The following ART1 variants were observed in gnomAD, a reference collection of about 807,000 sequenced individuals.
The protein encoded by ART1 is ADP-ribosyltransferase 1, also known as GPI-linked NAD(P)(+)--arginine ADP-ribosyltransferase 1.
Under a neutral mutation model 27.0 loss-of-function variants are expected in ART1, and 29 were observed. That is an observed-to-expected ratio of 1.08 (90% confidence interval 0.80 to 1.47). The LOEUF is 1.47. Ranked by LOEUF, ART1 falls within the 40% of genes most tolerant of loss-of-function variation. ART1 has a pLI of 0.00. For synonymous variants in ART1, 201 were observed against 172.2 expected (o/e 1.17, Z -1.31); for missense variants, 480 against 423.0 (o/e 1.13, Z -1.18).
chr11:3,658,055 C>T lies in ART1; in HGVS notation c.-52-1107C>T, dbSNP rs1054647801. 3.3e-5 allele frequency among the ~76,000 whole-genome samples: 5 copies of T among 151,704 alleles called. No homozygotes were observed. The East Asian group carries it at 5.8e-4, about 18-fold the overall frequency. The stretch of plus-strand genomic sequence containing the variant: ...GTTCTTAAAAAAATGACAATAAGGC[C>T]GGCATGGTGGCTCACACCTGTAATC... On this transcript the variant is annotated intron_variant, in intron 1 of 4. Coordinates refer to ENST00000250693, the MANE Select transcript of ART1 (RefSeq NM_004314.3).
chr11:3,663,977 A>G, intron 4 of ART1, 115 bp from the exon 5 acceptor site: 1 of 922,936 alleles, frequency 1.1e-6, no homozygotes, highest in Non-Finnish European at 1.7e-6. Context: ...TGTCCAGCTC[A>G]CTCTGCCAAT....
At chr11:3,661,596 G>A (rs565585300) in intron 4 of ART1, among the ~76,000 whole-genome samples, 183 bp downstream of exon 4, 1 of 148,110 alleles carries the variant, frequency 6.8e-6, no homozygotes, top group East Asian at 2.0e-4. Flanking sequence ...CCGGGTTCAA[G>A]CCATTCTCCT....
intron 1 of ART1, among the ~76,000 whole-genome samples, chr11:3,649,261 TA>T (rs1293946653): frequency 2.0e-5 from 3 of 152,168 alleles, no homozygotes; most frequent in African/African-American, 7.2e-5. Context: ...CTAAATGCCT[TA>T]TTTTCTTCTG....
At position 3,660,280 on chromosome 11, in the gene ART1, C is replaced by A. The variant is rs1251913461; in HGVS notation, c.761C>A (p.Ala254Asp). 3.1e-6 allele frequency: 5 copies of A among 1,612,256 alleles called. No homozygotes were observed. The South Asian group carries it at 4.4e-5, about 14-fold the overall frequency. ...PPFETFQVIN[A>D]SRLAQGPARI... Reference sequence around the variant, plus strand: ...TTTGAGACCTTCCAAGTGATCAATGCCAGCAGACTGGCCCAGGGCCCCGCC... The same window carrying A: ...TTTGAGACCTTCCAAGTGATCAATGACAGCAGACTGGCCCAGGGCCCCGCC... Residue 254 changes from alanine (A) to aspartate (D), a missense_variant, in exon 3 of 5, where the codon GCC (alanine) becomes GAC (aspartate). Transcript: ENST00000250693.
chr11:3,659,075 C>A, intron 1 of ART1, 87 bp from the exon 2 acceptor site: 1 of 776,566 alleles, frequency 1.3e-6, no homozygotes. Context: ...TGTCTTATGA[C>A]TCTCAGTGCC....
At chr11:3,659,510 G>T in intron 2 of ART1, 73 bp from the exon 3 acceptor site, 2 of 1,497,902 alleles carry the variant, frequency 1.3e-6, no homozygotes, top group East Asian at 4.6e-5. Context: ...CAGTGGAGGG[G>T]AGAGCTGGAT....
At chr11:3,645,895 G>A (rs1376466505) in intron 1 of ART1, among the ~76,000 whole-genome samples, 2 of 152,128 alleles carry the variant, frequency 1.3e-5, no homozygotes, top group Admixed American at 6.5e-5. Context: ...GGCGATGTGT[G>A]CAGAGCCACA....
intron 1 of ART1, among the ~76,000 whole-genome samples, chr11:3,650,086 G>A (rs1056857936): frequency 1.3e-5 from 2 of 152,172 alleles, no homozygotes; most frequent in Non-Finnish European, 2.9e-5. Flanking sequence ...TTTCTGAGTT[G>A]CAACTACTTG....
At chr11:3,660,641 T>G (rs182787832) in intron 3 of ART1, among the ~76,000 whole-genome samples, 370 of 152,172 alleles carry the variant, frequency 2.4e-3, no homozygotes, top group Non-Finnish European at 2.8e-3. Context: ...GCCATTTGAG[T>G]GGGCAAGCAG....
chr11:3,657,300 A>G (rs533898891), intron 1 of ART1, among the ~76,000 whole-genome samples: 209 of 152,278 alleles, frequency 1.4e-3, no homozygotes, highest in African/African-American at 4.8e-3. Flanking sequence ...AGAGGCTGGG[A>G]GCTGTGGCTC....
At chr11:3,653,821 C>A (rs868858736) in intron 1 of ART1, among the ~76,000 whole-genome samples, 4,640 of 132,116 alleles carry the variant, frequency 0.035, 135 homozygotes, top group African/African-American at 0.1. Flanking sequence ...ATTCTCCCAT[C>A]AGACATCAAG....
chr11:3,660,133 T>C lies in ART1; in HGVS notation c.614T>C (p.Leu205Pro). The C allele has an allele frequency of 6.2e-7, 1 of 1,613,926 alleles. No individual in the cohort carries two copies. The highest frequency in any genetic ancestry group is 8.5e-7 in the Non-Finnish European group (1 of 1,180,006). ...CTGGGGGGCTTTGCTTCTGCCTCCC[T>C]GAAGCATGTTGCAGCCCAGCAGTTT... ...VRLGGFASAS[L>P]KHVAAQQFGE... The change falls in exon 3 of 5, where the codon CTG becomes CCG. Residue 205 changes from leucine to proline, a missense_variant. By Grantham distance (98) the Leu-to-Pro change is moderately conservative. Transcript: ENST00000250693.
chr11:3,650,210 A>G (rs1471841331), intron 1 of ART1, among the ~76,000 whole-genome samples: 1 of 152,196 alleles, frequency 6.6e-6, no homozygotes, highest in Non-Finnish European at 1.5e-5. Flanking sequence ...AGCTTGCTAC[A>G]AGTGCCGGAA....
At chr11:3,645,875 C>G (rs2077466631) in intron 1 of ART1, among the ~76,000 whole-genome samples, 1 of 152,050 alleles carries the variant, frequency 6.6e-6, no homozygotes, top group South Asian at 2.1e-4. Flanking sequence ...AAGGGTGTCC[C>G]AAGGAGAGGG....
intron 1 of ART1, among the ~76,000 whole-genome samples, chr11:3,652,632 C>T (rs916432727): frequency 6.6e-6 from 1 of 152,056 alleles, no homozygotes; most frequent in Non-Finnish European, 1.5e-5. Flanking sequence ...ATTCCAGACA[C>T]CAGACCAACT....
At position 3,660,358 on chromosome 11, in the gene ART1, T is replaced by G; in HGVS notation, c.839T>G (p.Ile280Ser). 6.3e-7 allele frequency: 1 copy of G among 1,598,548 alleles called. No individual in the cohort carries two copies. Among genetic ancestry groups the G allele is most frequent in the Non-Finnish European group, 8.5e-7 (1 of 1,177,280 alleles). The change falls in exon 3 of 5, where the codon ATC becomes AGC. Residue 280 changes from isoleucine to serine, a missense_variant. Transcript: ENST00000250693. The stretch of plus-strand genomic sequence containing the variant: ...CACAGCACCTACAACTGCGAGTACA[T>G]CAAAGGTAGGAGGGCAAGCGCTGGT... ...GKHSTYNCEY[I>S]KDKKCKSGPC... is the part of the protein sequence containing the mutation.
At chr11:3,646,165 G>T (rs575807037) in intron 1 of ART1, among the ~76,000 whole-genome samples, 2 of 152,200 alleles carry the variant, frequency 1.3e-5, no homozygotes, top group South Asian at 4.1e-4. Flanking sequence ...TTTTGGCACA[G>T]AGGGCTTTTA....
chr11:3,656,379 TTTATTTA>T (rs1234004279), intron 1 of ART1, among the ~76,000 whole-genome samples: 2 of 124,954 alleles, frequency 1.6e-5, no homozygotes, highest in Non-Finnish European at 3.8e-5. Flanking sequence ...TATTTATTTA[TTTATTTA>T]TTTTTTAAAT....
At chr11:3,656,293 C>T (rs114756927) in intron 1 of ART1, among the ~76,000 whole-genome samples, 2,848 of 152,278 alleles carry the variant, frequency 0.019, 104 homozygotes, top group African/African-American at 0.065. Context: ...AAGCAATCCT[C>T]CTACCTTCAG....
Sources: allele counts gnomAD v4.1 joint callset (sites outside exome capture counted in the v4.1 genomes callset), GRCh38; gene constraint gnomAD v4.1.1; transcripts MANE v1.5; gene names NCBI Gene and HGNC (gene_info 2026-07-23, HGNC 2026-07-21).